The following MSH4 variants were observed in gnomAD, a reference collection of about 807,000 sequenced individuals.
MSH4 encodes mutS protein homolog 4.
MSH4 carries 106 observed loss-of-function variants against 113.7 expected under a neutral mutation model. The observed-to-expected ratio is 0.93, with a 90% confidence interval of 0.80 to 1.10. MSH4 has a LOEUF of 1.10. Ranked by LOEUF, MSH4 falls within the 50% of genes least tolerant of loss-of-function variation. The probability of loss-of-function intolerance (pLI) is 0.00; values close to 1 mark genes in which losing one functional copy is unlikely to be tolerated. For missense variants in MSH4, 1,061 were observed against 1,093.7 expected, an observed-to-expected ratio of 0.97 and a Z score of 0.42; for synonymous variants, 368 against 380.2, an observed-to-expected ratio of 0.97 and a Z score of 0.37.
intron 19 of MSH4, among the ~76,000 whole-genome samples, chr1:75,906,897 G>A (rs1203040520): frequency 2.0e-5 from 3 of 149,226 alleles, no homozygotes; most frequent in African/African-American, 2.5e-5. Context: ...GCAGTGGCGC[G>A]ATCTTGGCTC....
At chr1:75,827,839 G>A (rs929334630) in intron 7 of MSH4, among the ~76,000 whole-genome samples, 12 of 152,122 alleles carry the variant, frequency 7.9e-5, no homozygotes, top group African/African-American at 2.9e-4. Context: ...CAATACAGGA[G>A]CACCCAGATT....
At position 75,899,672 on chromosome 1, in the gene MSH4, A is replaced by G. The variant is rs374598563; in HGVS notation, c.2585A>G (p.Lys862Arg). 5 of 1,513,116 alleles carry G rather than the reference A, an allele frequency of 3.3e-6. No individual in the cohort carries two copies. Among genetic ancestry groups the G allele is most frequent in the South Asian group, 1.4e-5 (1 of 72,556 alleles). 93.7% of individuals were successfully genotyped at this position (1,513,116 alleles called of 1,614,324 possible). ...SLPPSIVLDA[K>R]EITTQITRQI... is the part of the protein sequence containing the mutation. ...CCACCATCAATTGTCTTGGATGCCAAGGAAATCACAACTCAAATTACGAGA... is the reference window on the plus strand; with the variant it reads ...CCACCATCAATTGTCTTGGATGCCAGGGAAATCACAACTCAAATTACGAGA... Residue 862 changes from lysine to arginine, a missense_variant, in exon 19 of 20, where the codon AAG (lysine) becomes AGG (arginine). Coordinates refer to ENST00000263187, the MANE Select transcript of MSH4 (RefSeq NM_002440.4).
Position 75,803,857 on chromosome 1 carries a change from C to T in MSH4, c.371C>T (p.Thr124Ile). 1.3e-6 allele frequency: 2 copies of T among 1,597,656 alleles called. No individual in the cohort carries two copies. The change falls in exon 2 of 20, where the codon ACT becomes ATT. Residue 124 changes from threonine to isoleucine, a missense_variant. Transcript: ENST00000263187. ...CAAACACTTAAAACTCCATTGTCTA[C>T]TGGAAATCCTCAGAGATCAGGTTAT... ...YPQTLKTPLS[T>I]GNPQRSGYKS...
At chr1:75,868,534 T>C (rs1275927776) in intron 9 of MSH4, among the ~76,000 whole-genome samples, 1 of 152,178 alleles carries the variant, frequency 6.6e-6, no homozygotes. Flanking sequence ...TAATGAAAAA[T>C]ATGGAATAAC....
At chr1:75,900,523 TCTCGAA>T (rs1652484711) in intron 19 of MSH4, among the ~76,000 whole-genome samples, 1 of 152,062 alleles carries the variant, frequency 6.6e-6, no homozygotes, top group Non-Finnish European at 1.5e-5. Flanking sequence ...GCCAGGTTGG[TCTCGAA>T]CTCCTGACCT....
chr1:75,825,017 A>G (rs1235909589), intron 7 of MSH4, among the ~76,000 whole-genome samples: 1 of 150,788 alleles, frequency 6.6e-6, no homozygotes, highest in African/African-American at 2.5e-5. Flanking sequence ...AATGGTAGCT[A>G]AATGGGAATA....
At chr1:75,907,660 ATCTCTCTC>A (rs138292747) in intron 19 of MSH4, among the ~76,000 whole-genome samples, 2 of 92,808 alleles carry the variant, frequency 2.2e-5, no homozygotes, top group East Asian at 2.6e-4. Flanking sequence ...TCCACGGTGT[ATCTCTCTC>A]TCTCTCTCTC....
chr1:75,840,529 G>A (rs1375543586), intron 7 of MSH4, among the ~76,000 whole-genome samples: 1 of 115,720 alleles, frequency 8.6e-6, no homozygotes, highest in East Asian at 2.9e-4. Context: ...TGGGGTGGGG[G>A]AGGGGGGAGG....
chr1:75,898,254 G>T (rs1337242919), intron 18 of MSH4, among the ~76,000 whole-genome samples, 173 bp downstream of exon 18: 1 of 151,152 alleles, frequency 6.6e-6, no homozygotes, highest in African/African-American at 2.4e-5. Flanking sequence ...TCTATATCTA[G>T]ATATAGATAT....
At chr1:75,857,767 T>C (rs1228210827) in intron 8 of MSH4, among the ~76,000 whole-genome samples, 1 of 152,188 alleles carries the variant, frequency 6.6e-6, no homozygotes, top group African/African-American at 2.4e-5. Context: ...TTTGGTTCCA[T>C]ATGAACTTTA....
At position 75,797,118 on chromosome 1, in the gene MSH4, G is replaced by A; in HGVS notation, c.133G>A (p.Val45Ile). 6.2e-7 allele frequency: 1 copy of A among 1,613,960 alleles called. No individual in the cohort carries two copies. The highest frequency in any genetic ancestry group is 1.1e-5 in the South Asian group (1 of 91,082). Residue 45 changes from valine to isoleucine, a missense_variant, in exon 1 of 20, where the codon GTC becomes ATC. By Grantham distance (29) the Val-to-Ile change is conservative. Transcript: ENST00000263187. ...GGAGACTCCACAGAGCCGCCCTTCG[G>A]TCCAGGTGGTCTCTGCATCCACCTG... ...LQETPQSRPS[V>I]QVVSASTCPG...
At chr1:75,813,749 G>T (rs989621053) in intron 4 of MSH4, among the ~76,000 whole-genome samples, 16 of 152,088 alleles carry the variant, frequency 1.1e-4, no homozygotes, top group African/African-American at 3.9e-4. Flanking sequence ...AGTGACATGT[G>T]CCTGTAGTCC....
Position 75,853,798 on chromosome 1 carries a change from T to C in MSH4, c.1230+5522T>C, listed in dbSNP as rs1039475886. ...CTTTGGAAATGCATCCACAATTCTT[T>C]GAGAACTTTATCATTTTCTGCCTCA... On this transcript the variant is annotated intron_variant, in intron 8 of 19. Transcript: ENST00000263187. Among the ~76,000 whole-genome samples the C allele has an allele frequency of 3.9e-5, 6 of 151,978 alleles. No homozygotes were observed. In the East Asian group the frequency reaches 1.2e-3, roughly 29 times the overall value.
intron 15 of MSH4, among the ~76,000 whole-genome samples, chr1:75,885,320 TGTG>T: frequency 3.6e-5 from 1 of 27,792 alleles, no homozygotes; most frequent in Non-Finnish European, 1.1e-4. Context: ...ACACTGGGGG[TGTG>T]TGTGTGTGTG....
At position 75,877,018 on chromosome 1, in the gene MSH4, G is replaced by A. The variant is rs201828227; in HGVS notation, c.1370+18G>A. 1.6e-4 allele frequency: 234 copies of A among 1,469,996 alleles called. 1 individual carries two copies. The East Asian group carries it at 4.8e-3, about 30-fold the overall frequency. 91.1% of individuals were successfully genotyped at this position (1,469,996 alleles called of 1,614,324 possible). On this transcript the variant is annotated intron_variant, in intron 10 of 19. Coordinates refer to ENST00000263187, the MANE Select transcript of MSH4 (RefSeq NM_002440.4). ...GACAAGAGGTCTTTGTCACTCAACC[G>A]TTAATAAAAAATAAGATTATTCTCT...
At chr1:75,815,665 A>G (rs1294707864) in intron 5 of MSH4, among the ~76,000 whole-genome samples, 1 of 152,202 alleles carries the variant, frequency 6.6e-6, no homozygotes, top group Non-Finnish European at 1.5e-5. Context: ...TCAGTTAATA[A>G]CAATCATTAT....
chr1:75,845,252 A>G (rs1651050659), intron 7 of MSH4, among the ~76,000 whole-genome samples: 1 of 152,198 alleles, frequency 6.6e-6, no homozygotes, highest in Admixed American at 6.5e-5. Flanking sequence ...TCATCCCAAT[A>G]GGCCTAAAGT....
At chr1:75,822,262 C>A in intron 6 of MSH4, 147 bp from the exon 7 acceptor site, 2 of 478,166 alleles carry the variant, frequency 4.2e-6, no homozygotes, top group Non-Finnish European at 6.9e-6. Flanking sequence ...GTACTCCATA[C>A]TGGGAGAGAG....
rs371319466 is a variant in MSH4, at chr1:75,828,878, C to T, written c.1162+6297C>T. 3.3e-5 allele frequency among the ~76,000 whole-genome samples: 5 copies of T among 152,296 alleles called. No individual in the cohort carries two copies. In the East Asian group the frequency reaches 7.7e-4, roughly 24 times the overall value. On this transcript the variant is annotated intron_variant, in intron 7 of 19. Coordinates refer to ENST00000263187, the MANE Select transcript of MSH4 (RefSeq NM_002440.4). ...AACAGCTCCAGTCTGCAGCTCCCAG[C>T]ATGAGCAACACAGAAGACGGGTGAT...
Sources: allele counts gnomAD v4.1 joint callset (sites outside exome capture counted in the v4.1 genomes callset), GRCh38; gene constraint gnomAD v4.1.1; transcripts MANE v1.5; gene names NCBI Gene and HGNC (gene_info 2026-07-23, HGNC 2026-07-21).